KDM4C: variants seen among roughly 807,000 people sequenced by gnomAD.
The protein encoded by KDM4C is lysine demethylase 4C, also known as lysine-specific demethylase 4C.
In KDM4C, 81 loss-of-function variants were observed where a neutral mutation model predicts 129.3. The observed-to-expected ratio is 0.63, with a 90% confidence interval of 0.52 to 0.75. KDM4C has a LOEUF of 0.75. Among genes scored for constraint, KDM4C ranks in the 30% least tolerant of loss-of-function variants. The probability of loss-of-function intolerance (pLI) is 0.00; values close to 1 mark genes in which losing one functional copy is unlikely to be tolerated. For missense variants in KDM4C, 1,457 were observed against 1,304.0 expected, an observed-to-expected ratio of 1.12 and a Z score of -1.81; for synonymous variants, 573 against 456.1, an observed-to-expected ratio of 1.26 and a Z score of -3.26.
At chr9:7,099,297 C>T (rs1213887783) in intron 17 of KDM4C, among the ~76,000 whole-genome samples, 4 of 152,174 alleles carry the variant, frequency 2.6e-5, no homozygotes, top group Non-Finnish European at 5.9e-5. Context: ...ACCTCCAGCT[C>T]CTTCACAGTT....
intron 17 of KDM4C, among the ~76,000 whole-genome samples, chr9:7,058,008 G>C (rs1228324501): frequency 2.0e-5 from 3 of 152,176 alleles, no homozygotes; most frequent in Non-Finnish European, 4.4e-5. Context: ...TTGGGGCCTA[G>C]AGAATGACTA....
chr9:7,112,928 G>A (rs893109598), intron 18 of KDM4C, among the ~76,000 whole-genome samples: 1 of 152,064 alleles, frequency 6.6e-6, no homozygotes. Context: ...TTTGGATATT[G>A]CAAACTAAAA....
Position 6,813,034 on chromosome 9 carries a change from G to T in KDM4C, c.321-1597G>T, listed in dbSNP as rs142731590. Among the ~76,000 whole-genome samples the T allele has an allele frequency of 8.4e-3, 1,281 of 152,050 alleles. 10 individuals are homozygous for T. The highest frequency in any genetic ancestry group is 0.013 in the South Asian group (64 of 4,810). On this transcript the variant is annotated intron_variant, in intron 3 of 21. Coordinates refer to ENST00000381309, the MANE Select transcript of KDM4C (RefSeq NM_015061.6). ...CTACTAAAAATACAAAATTAGCCAG[G>T]CATGGTGGTGCATGCTTGTAATCCC...
intron 4 of KDM4C, among the ~76,000 whole-genome samples, chr9:6,826,873 A>G (rs1310209049): frequency 2.0e-5 from 3 of 152,170 alleles, no homozygotes; most frequent in Admixed American, 2.0e-4. Context: ...TCTCAAAAAA[A>G]AAAAAAAGAA....
chr9:6,878,913 G>A (rs537478689), intron 5 of KDM4C, among the ~76,000 whole-genome samples: 1 of 152,270 alleles, frequency 6.6e-6, no homozygotes, highest in African/African-American at 2.4e-5. Flanking sequence ...TTGGGTGATA[G>A]TCATTTAGTT....
intron 13 of KDM4C, among the ~76,000 whole-genome samples, 194 bp from the exon 14 acceptor site, chr9:7,013,594 G>A (rs776368514): frequency 2.6e-5 from 4 of 152,132 alleles, no homozygotes; most frequent in Non-Finnish European, 5.9e-5. Flanking sequence ...TCCTTTTCCT[G>A]CAGATTAACA....
At chr9:6,895,714 A>G (rs1387168028) in intron 8 of KDM4C, among the ~76,000 whole-genome samples, 1 of 152,214 alleles carries the variant, frequency 6.6e-6, no homozygotes, top group African/African-American at 2.4e-5. Flanking sequence ...AGTCTTAGCA[A>G]CAGAGTGAGA....
intron 12 of KDM4C, among the ~76,000 whole-genome samples, chr9:6,990,982 C>T (rs1161820621): frequency 6.6e-6 from 1 of 152,134 alleles, no homozygotes; most frequent in Non-Finnish European, 1.5e-5. Flanking sequence ...GTGAAACATC[C>T]TTTTTCCTTC....
intron 5 of KDM4C, among the ~76,000 whole-genome samples, chr9:6,859,263 G>C (rs1179820015): frequency 6.6e-6 from 1 of 151,074 alleles, no homozygotes. Context: ...AGATCACGAG[G>C]TCAAGAGATC....
At chr9:6,805,093 G>T (rs899400418) in intron 2 of KDM4C, among the ~76,000 whole-genome samples, 1 of 152,076 alleles carries the variant, frequency 6.6e-6, no homozygotes, top group African/African-American at 2.4e-5. Context: ...TAGAGGCGGG[G>T]TTTCACCATG....
upstream of KDM4C, among the ~76,000 whole-genome samples, chr9:6,756,885 A>AT (rs1454229844): frequency 1.3e-5 from 2 of 152,216 alleles, no homozygotes; most frequent in Non-Finnish European, 2.9e-5. Flanking sequence ...CGGTGTCGAT[A>AT]TATTTTTAAA....
chr9:7,053,085 G>C (rs1205561281), intron 17 of KDM4C, among the ~76,000 whole-genome samples: 1 of 152,154 alleles, frequency 6.6e-6, no homozygotes, highest in Non-Finnish European at 1.5e-5. Flanking sequence ...CTAGTATAAA[G>C]CTAGTAACTG....
chr9:6,950,503 G>A (rs1207096514), intron 8 of KDM4C, among the ~76,000 whole-genome samples: 1 of 152,080 alleles, frequency 6.6e-6, no homozygotes, highest in East Asian at 1.9e-4. Context: ...AACCTGTACT[G>A]GACAGTTGTT....
At chr9:6,852,913 C>A (rs1261447962) in intron 5 of KDM4C, among the ~76,000 whole-genome samples, 2 of 152,148 alleles carry the variant, frequency 1.3e-5, no homozygotes, top group Non-Finnish European at 2.9e-5. Flanking sequence ...TGGCATCTTA[C>A]AACTGGTTGT....
intron 8 of KDM4C, among the ~76,000 whole-genome samples, chr9:6,920,557 A>AAAAAAG (rs1821316717): frequency 1.5e-5 from 2 of 133,818 alleles, no homozygotes; most frequent in African/African-American, 7.0e-5. Context: ...AACAAGAAAA[A>AAAAAAG]AAAAATTAAT....
At chr9:6,908,034 T>C (rs1818637048) in intron 8 of KDM4C, among the ~76,000 whole-genome samples, 1 of 152,232 alleles carries the variant, frequency 6.6e-6, no homozygotes, top group Non-Finnish European at 1.5e-5. Flanking sequence ...GGATTTTCCT[T>C]ATAACCTTGA....
Position 7,099,314 on chromosome 9 carries a change from T to C in KDM4C, c.2425-4371T>C, listed in dbSNP as rs1243986935. Among the ~76,000 whole-genome samples, 5 of 152,354 alleles carry C rather than the reference T, an allele frequency of 3.3e-5. No homozygotes were observed. The East Asian group carries it at 7.7e-4, about 23-fold the overall frequency. The stretch of plus-strand genomic sequence containing the variant: ...CTCCAGCTCCTTCACAGTTCATCAT[T>C]TCTTGATGCCCTTTGCCAGGCTGGA... On this transcript the variant is annotated intron_variant, in intron 17 of 21. Coordinates refer to ENST00000381309, the MANE Select transcript of KDM4C (RefSeq NM_015061.6).
At chr9:6,995,873 G>C (rs534797239) in intron 12 of KDM4C, among the ~76,000 whole-genome samples, 1 of 145,096 alleles carries the variant, frequency 6.9e-6, no homozygotes, top group Admixed American at 6.9e-5. Flanking sequence ...GGGTTTCACT[G>C]TGTTAGCCAG....
At chr9:6,938,921 C>T (rs1340898903) in intron 8 of KDM4C, among the ~76,000 whole-genome samples, 1 of 151,946 alleles carries the variant, frequency 6.6e-6, no homozygotes, top group East Asian at 1.9e-4. Flanking sequence ...ATGCATAGAC[C>T]TGTTACTCAA....
Sources: gnomAD v4.1 joint callset for allele counts (sites outside exome capture counted in the v4.1 genomes callset) on GRCh38, gnomAD v4.1.1 for gene constraint, MANE v1.5 for transcripts, NCBI Gene and HGNC (gene_info 2026-07-23, HGNC 2026-07-21) for gene names.